PTPRN2: variants seen among roughly 807,000 people sequenced by gnomAD.
PTPRN2 encodes the protein receptor-type tyrosine-protein phosphatase N2.
In PTPRN2, 74 loss-of-function variants were observed where a neutral mutation model predicts 118.8. The ratio of observed to expected loss-of-function variants is 0.62; its 90% CI spans 0.52 to 0.76. The LOEUF is 0.76. Ranked by LOEUF, PTPRN2 falls within the 30% of genes least tolerant of loss-of-function variation. The probability of loss-of-function intolerance (pLI) is 0.00; values close to 1 mark genes in which losing one functional copy is unlikely to be tolerated. For missense variants in PTPRN2, 1,481 were observed against 1,394.4 expected (o/e 1.06, Z -0.99); for synonymous variants, 641 against 608.0 (o/e 1.05, Z -0.80).
intron 2 of PTPRN2, among the ~76,000 whole-genome samples, chr7:158,388,641 G>A (rs75896102): frequency 0.032 from 4,816 of 152,228 alleles, 91 homozygotes; most frequent in Middle Eastern, 0.089. Context: ...CAGGTTTCAC[G>A]TACATAGGCA....
chr7:157,783,260 C>T (rs757295816), intron 12 of PTPRN2, among the ~76,000 whole-genome samples: 1 of 152,002 alleles, frequency 6.6e-6, no homozygotes, highest in Non-Finnish European at 1.5e-5. Context: ...AGCGTGAGAA[C>T]AGACGAATAC....
At chr7:158,185,183 T>TA (rs1825036872) in intron 5 of PTPRN2, among the ~76,000 whole-genome samples, 1 of 152,264 alleles carries the variant, frequency 6.6e-6, no homozygotes, top group Admixed American at 6.5e-5. Flanking sequence ...TTCTGAAGAA[T>TA]AATAATCTGC....
rs762918278 is a variant in PTPRN2 at position 157,568,897 on chromosome 7, C to CT, written c.2902+4dup. The stretch of plus-strand genomic sequence containing the variant: ...CGCAACAAAGCGGCAGTGTCTGTGT[C>CT]TCACCTTTGGCCATCTTGTTGAGAA... On this transcript the variant is annotated splice_donor_region_variant and intron_variant, in intron 21 of 22. Transcript: ENST00000389418. 6.4e-7 allele frequency: 1 copy of CT among 1,553,400 alleles called. No individual in the cohort carries two copies. Among genetic ancestry groups the CT allele is most frequent in the East Asian group, 2.2e-5 (1 of 44,576 alleles).
intron 2 of PTPRN2, among the ~76,000 whole-genome samples, chr7:158,422,903 T>C (rs1815378143): frequency 1.3e-5 from 2 of 152,214 alleles, no homozygotes; most frequent in Non-Finnish European, 1.5e-5. Context: ...GCATGGTCAG[T>C]AGAGACAAAG....
chr7:157,958,871 G>C (rs1048496760), intron 11 of PTPRN2, among the ~76,000 whole-genome samples: 3 of 152,110 alleles, frequency 2.0e-5, no homozygotes, highest in Non-Finnish European at 4.4e-5. Context: ...CAAAAATATT[G>C]ATATTTTTTC....
At chr7:158,266,054 TG>T (rs1797850241) in intron 3 of PTPRN2, among the ~76,000 whole-genome samples, 1 of 151,908 alleles carries the variant, frequency 6.6e-6, no homozygotes, top group East Asian at 1.9e-4. Flanking sequence ...GCAGTGAGGC[TG>T]GGGACGGCGT....
chr7:157,670,817 TAGTC>T lies in PTPRN2; in HGVS notation c.2001+11904_2001+11907del, dbSNP rs1796373007. 2.0e-5 allele frequency among the ~76,000 whole-genome samples: 3 copies of T among 152,362 alleles called. No homozygotes were observed. The South Asian group carries it at 6.2e-4, about 32-fold the overall frequency. On this transcript the variant is annotated intron_variant, in intron 13 of 22. Transcript: ENST00000389418. ...GGCTGAACCTTGCTTTTCAGTTTCA[TAGTC>T]AGACAATTTAAAATAGCCAGTCAGT...
Position 157,629,976 on chromosome 7 carries a change from C to A in PTPRN2, c.2197-8467G>T, listed in dbSNP as rs192881713. Among the ~76,000 whole-genome samples the A allele has an allele frequency of 4.6e-5, 7 of 152,186 alleles. No homozygotes were observed. Among genetic ancestry groups the A allele is most frequent in the Admixed American group, 2.0e-4 (3 of 15,288 alleles). ...CCACTGCCACTTGGGGAAATGATGA[C>A]CTTTTCTTTCTTTAAAAATAAACAC... On this transcript the variant is annotated intron_variant, in intron 14 of 22. Transcript: ENST00000389418. This position sits in a 1 kb window ranked among gnomAD's most constrained non-coding sequence, Gnocchi z 4.4.
chr7:158,326,654 T>A (rs1425751389), intron 2 of PTPRN2, among the ~76,000 whole-genome samples: 46 of 144,748 alleles, frequency 3.2e-4, no homozygotes, highest in Non-Finnish European at 5.2e-4. Context: ...TCACACATGC[T>A]CACACTCTCA....
At chr7:158,303,785 C>A (rs1474405714) in intron 3 of PTPRN2, among the ~76,000 whole-genome samples, 1 of 152,242 alleles carries the variant, frequency 6.6e-6, no homozygotes, top group African/African-American at 2.4e-5. Flanking sequence ...GCCCCAGACA[C>A]CATGGTTTCC....
In PTPRN2 at chr7:158,438,461, G is replaced by A. The variant is rs1164750489; in HGVS notation, c.163+51274C>T. On this transcript the variant is annotated intron_variant, in intron 2 of 22. Transcript: ENST00000389418. This position sits in a 1 kb window ranked among gnomAD's most constrained non-coding sequence, Gnocchi z 4.7. ...TGATGTTTCAACACATATATACATT[G>A]TGGAATCATCAAAACAGGCTAATTA... Among the ~76,000 whole-genome samples, 5 of 152,174 alleles carry A rather than the reference G, an allele frequency of 3.3e-5. No homozygotes were observed. The highest frequency in any genetic ancestry group is 7.4e-5 in the Non-Finnish European group (5 of 68,010).
At position 157,591,600 on chromosome 7, in the gene PTPRN2, G is replaced by A. The variant is rs1015755419; in HGVS notation, c.2496+3638C>T. Among the ~76,000 whole-genome samples the A allele has an allele frequency of 2.6e-5, 4 of 152,236 alleles. No homozygotes were observed. Among genetic ancestry groups the A allele is most frequent in the African/African-American group, 4.8e-5 (2 of 41,462 alleles). ...AGACAGGTGTTCTTCCTCTGCCTGC[G>A]TTCTGCTAAGCCAGAGAGGGCAAAG... On this transcript the variant is annotated intron_variant, in intron 17 of 22. Coordinates refer to ENST00000389418, the MANE Select transcript of PTPRN2 (RefSeq NM_002847.5). The surrounding 1 kb of genome is among the most constrained non-coding windows in gnomAD (Gnocchi z 4.4).
intron 12 of PTPRN2, among the ~76,000 whole-genome samples, chr7:157,737,491 G>A (rs2150956151): frequency 6.6e-6 from 1 of 152,358 alleles, no homozygotes; most frequent in Non-Finnish European, 1.5e-5. Flanking sequence ...TAAGCGTTGT[G>A]CCCGGGCAGG....
Position 157,587,313 on chromosome 7 carries a change from G to A in PTPRN2, c.2496+7925C>T, listed in dbSNP as rs532752784. On this transcript the variant is annotated intron_variant, in intron 17 of 22. Coordinates refer to ENST00000389418, the MANE Select transcript of PTPRN2 (RefSeq NM_002847.5). The surrounding 1 kb of genome is among the most constrained non-coding windows in gnomAD (Gnocchi z 5.3). Reference sequence around the variant, plus strand: ...GAGCCACTGGTGCCGGGTGGTGGGCGGCCCTGCACGGTGACAGTCAGCTGT... The same window carrying A: ...GAGCCACTGGTGCCGGGTGGTGGGCAGCCCTGCACGGTGACAGTCAGCTGT... Among the ~76,000 whole-genome samples the A allele has an allele frequency of 4.6e-5, 7 of 152,242 alleles. No individual in the cohort carries two copies. In the East Asian group the frequency reaches 7.7e-4, roughly 17 times the overall value.
At chr7:158,453,368 T>C (rs4909087) in intron 2 of PTPRN2, among the ~76,000 whole-genome samples, 5,171 of 21,080 alleles carry the variant, frequency 0.25, 200 homozygotes, top group Admixed American at 0.33. Context: ...ACAGCCTGGA[T>C]GTAGGGGAAT....
intron 15 of PTPRN2, among the ~76,000 whole-genome samples, chr7:157,606,862 A>G (rs926208216): frequency 2.0e-5 from 3 of 152,262 alleles, no homozygotes; most frequent in African/African-American, 7.2e-5. Context: ...AGTACTGTGC[A>G]CTAGAGATCA....
intron 3 of PTPRN2, among the ~76,000 whole-genome samples, chr7:158,223,996 C>G (rs1828563920): frequency 6.6e-6 from 1 of 152,106 alleles, no homozygotes; most frequent in Admixed American, 6.6e-5. Flanking sequence ...GGCATGAAAA[C>G]TGAAATTAAA....
In PTPRN2 at chr7:158,241,650, C is replaced by T. The variant is rs118156782; in HGVS notation, c.278-36377G>A. Among the ~76,000 whole-genome samples, 669 of 152,310 alleles carry T rather than the reference C, an allele frequency of 4.4e-3. 5 individuals carry two copies. The highest frequency in any genetic ancestry group is 6.6e-3 in the Non-Finnish European group (450 of 68,036). On this transcript the variant is annotated intron_variant, in intron 3 of 22. Coordinates refer to ENST00000389418, the MANE Select transcript of PTPRN2 (RefSeq NM_002847.5). ...AAGACATTGTTTTCTGAAGTGTTCA[C>T]GCCCTGTTTTGGGCATACCAGGAAA...
At chr7:157,582,847 C>A (rs567548056) in intron 17 of PTPRN2, among the ~76,000 whole-genome samples, 1 of 151,074 alleles carries the variant, frequency 6.6e-6, no homozygotes, top group South Asian at 2.1e-4. Flanking sequence ...GCACTCCAGC[C>A]TGGGTAACAA....
Sources: allele counts gnomAD v4.1 joint callset (sites outside exome capture counted in the v4.1 genomes callset), GRCh38; gene constraint gnomAD v4.1.1; non-coding constraint Gnocchi (gnomAD v3.1); transcripts MANE v1.5; gene names NCBI Gene and HGNC (gene_info 2026-07-23, HGNC 2026-07-21).